The following CNTNAP2 variants were observed in gnomAD, a reference collection of about 807,000 sequenced individuals.
CNTNAP2 encodes contactin-associated protein-like 2.
In CNTNAP2, 98 loss-of-function variants were observed where a neutral mutation model predicts 155.2. The ratio of observed to expected loss-of-function variants is 0.63; its 90% CI spans 0.54 to 0.75. The LOEUF is 0.75. Ranked by LOEUF, CNTNAP2 falls within the 30% of genes least tolerant of loss-of-function variation. The pLI is 0.00. For synonymous variants in CNTNAP2, 651 were observed against 631.2 expected (o/e 1.03, Z -0.47); for missense variants, 1,727 against 1,688.1 (o/e 1.02, Z -0.40).
At chr7:146,641,337 T>C (rs1321915747) in intron 1 of CNTNAP2, among the ~76,000 whole-genome samples, 1 of 151,988 alleles carries the variant, frequency 6.6e-6, no homozygotes, top group Non-Finnish European at 1.5e-5. Flanking sequence ...AAAAAATAAA[T>C]AAAAATACAT....
intron 3 of CNTNAP2, among the ~76,000 whole-genome samples, chr7:147,037,755 A>G (rs1164877854): frequency 6.6e-6 from 1 of 152,118 alleles, no homozygotes; most frequent in Non-Finnish European, 1.5e-5. Flanking sequence ...AACAATACAG[A>G]CTATACTAGA....
At chr7:146,520,221 C>T (rs1240445141) in intron 1 of CNTNAP2, among the ~76,000 whole-genome samples, 1 of 149,486 alleles carries the variant, frequency 6.7e-6, no homozygotes, top group Non-Finnish European at 1.5e-5. Context: ...GCAAAAAAAT[C>T]TACTAATTTT....
intron 2 of CNTNAP2, among the ~76,000 whole-genome samples, chr7:146,781,176 C>T (rs1011634683): frequency 6.7e-6 from 1 of 149,150 alleles, no homozygotes; most frequent in South Asian, 2.1e-4. Flanking sequence ...TGCACTGAGC[C>T]CAGATCGCGC....
chr7:146,564,161 C>A (rs567358666), intron 1 of CNTNAP2, among the ~76,000 whole-genome samples: 55 of 152,134 alleles, frequency 3.6e-4, no homozygotes, highest in Admixed American at 2.3e-3. Context: ...TACAATTTCC[C>A]AGAAGAAAAG....
At chr7:146,791,137 G>A (rs1350326702) in intron 2 of CNTNAP2, among the ~76,000 whole-genome samples, 1 of 149,144 alleles carries the variant, frequency 6.7e-6, no homozygotes, top group Admixed American at 6.8e-5. Context: ...TCCCCTCCCT[G>A]TGTCCATGTG....
At chr7:147,918,782 C>T (rs543554836) in intron 14 of CNTNAP2, among the ~76,000 whole-genome samples, 1 of 152,254 alleles carries the variant, frequency 6.6e-6, no homozygotes, top group Admixed American at 6.5e-5. Context: ...ACGATATTTA[C>T]CTGCTTGTCC....
At position 147,951,854 on chromosome 7, in the gene CNTNAP2, T is replaced by G. The variant is rs79874184; in HGVS notation, c.2256-26008T>G. On this transcript the variant is annotated intron_variant, in intron 14 of 23. Transcript: ENST00000361727. The stretch of plus-strand genomic sequence containing the variant: ...AAAACCTAGATGATGGGTTGATAGG[T>G]GCAGCAAACCACCATGGCACATGTA... Among the ~76,000 whole-genome samples, 41 of 151,782 alleles carry G rather than the reference T, an allele frequency of 2.7e-4. No individual in the cohort carries two copies. The East Asian group carries it at 3.1e-3, about 12-fold the overall frequency.
intron 10 of CNTNAP2, among the ~76,000 whole-genome samples, chr7:147,441,563 G>A (rs1164032296): frequency 6.6e-6 from 1 of 152,048 alleles, no homozygotes; most frequent in Non-Finnish European, 1.5e-5. Flanking sequence ...GGTATTTATT[G>A]TAGTTTTTGC....
At chr7:147,950,051 G>A (rs1163101970) in intron 14 of CNTNAP2, among the ~76,000 whole-genome samples, 1 of 152,122 alleles carries the variant, frequency 6.6e-6, no homozygotes, top group Non-Finnish European at 1.5e-5. Flanking sequence ...GGCTTGGGGA[G>A]AAAGGGAATC....
At chr7:146,621,459 T>A (rs1053452308) in intron 1 of CNTNAP2, among the ~76,000 whole-genome samples, 1 of 152,212 alleles carries the variant, frequency 6.6e-6, no homozygotes, top group African/African-American at 2.4e-5. Context: ...TCATTATGCC[T>A]CCTTAGGATT....
intron 15 of CNTNAP2, among the ~76,000 whole-genome samples, chr7:147,997,556 CA>C (rs34678249): frequency 0.45 from 58,737 of 131,702 alleles, 12,259 homozygotes; most frequent in African/African-American, 0.56. Context: ...AACTCTGTCT[CA>C]AAAAAAAAAA....
At chr7:147,963,049 T>C (rs1585050863) in intron 14 of CNTNAP2, among the ~76,000 whole-genome samples, 1 of 49,730 alleles carries the variant, frequency 2.0e-5, no homozygotes, top group East Asian at 1.2e-3. Context: ...TTGCTTATAA[T>C]ACAGTTATTA....
At chr7:147,387,391 C>A (rs544075300) in intron 9 of CNTNAP2, among the ~76,000 whole-genome samples, 119 of 152,186 alleles carry the variant, frequency 7.8e-4, no homozygotes, top group African/African-American at 2.7e-3. Context: ...GATGTTATAC[C>A]CAGCCTTGTA....
intron 1 of CNTNAP2, among the ~76,000 whole-genome samples, chr7:146,719,486 A>G (rs988073783): frequency 2.0e-5 from 3 of 152,158 alleles, no homozygotes; most frequent in African/African-American, 7.2e-5. Flanking sequence ...ATTTCAGTTC[A>G]CAGGCAGATT....
At chr7:146,295,546 A>C (rs1359319094) in intron 1 of CNTNAP2, among the ~76,000 whole-genome samples, 1 of 152,192 alleles carries the variant, frequency 6.6e-6, no homozygotes, top group Non-Finnish European at 1.5e-5. Context: ...AATATGTGAT[A>C]ATCTAAATAC....
At chr7:146,299,305 C>T (rs1011997798) in intron 1 of CNTNAP2, among the ~76,000 whole-genome samples, 4 of 152,036 alleles carry the variant, frequency 2.6e-5, no homozygotes, top group African/African-American at 7.2e-5. Context: ...AGAAATAATA[C>T]ACACAGTGTT....
chr7:148,218,289 T>C (rs935832764), intron 19 of CNTNAP2, among the ~76,000 whole-genome samples: 42 of 152,262 alleles, frequency 2.8e-4, no homozygotes, highest in Non-Finnish European at 8.8e-5. Flanking sequence ...ACATCTGAAC[T>C]TTCAATAGGA....
intron 1 of CNTNAP2, among the ~76,000 whole-genome samples, chr7:146,340,511 A>T (rs1204777470): frequency 3.3e-5 from 5 of 152,074 alleles, no homozygotes; most frequent in Non-Finnish European, 5.9e-5. Flanking sequence ...TAAATAATTT[A>T]AAAATAGTAT....
chr7:147,161,856 G>T (rs1802031672), intron 8 of CNTNAP2: 2 of 152,110 alleles, frequency 1.3e-5, no homozygotes, highest in Non-Finnish European at 2.9e-5. Context: ...CTCTAATGCT[G>T]TTTCCATTTT....
Sources: gnomAD v4.1 joint callset for allele counts (sites outside exome capture counted in the v4.1 genomes callset) on GRCh38, gnomAD v4.1.1 for gene constraint, MANE v1.5 for transcripts, NCBI Gene and HGNC (gene_info 2026-07-23, HGNC 2026-07-21) for gene names.